CCNY: variants seen among roughly 807,000 people sequenced by gnomAD.
CCNY encodes cyclin Y, also known as cyclin-Y.
CCNY carries 19 observed loss-of-function variants against 42.8 expected under a neutral mutation model. The observed-to-expected ratio is 0.44, with a 90% confidence interval of 0.31 to 0.65. The LOEUF (loss-of-function observed/expected upper bound fraction) is 0.65. Ranked by LOEUF, CCNY falls within the 30% of genes least tolerant of loss-of-function variation. CCNY has a pLI of 0.07. For missense variants in CCNY, 370 were observed against 437.3 expected (o/e 0.85, Z 1.37); for synonymous variants, 165 against 162.7 (o/e 1.01, Z -0.11).
At chr10:35,531,390 A>G (rs975036562) in intron 7 of CCNY, among the ~76,000 whole-genome samples, 1 of 152,202 alleles carries the variant, frequency 6.6e-6, no homozygotes, top group Non-Finnish European at 1.5e-5. Context: ...TTGCTCATTC[A>G]TTCATCTGTT....
At chr10:35,389,951 C>A (rs534369443) in intron 1 of CCNY, among the ~76,000 whole-genome samples, 18 of 152,312 alleles carry the variant, frequency 1.2e-4, no homozygotes, top group African/African-American at 4.1e-4. Flanking sequence ...TCCTATCTAT[C>A]TGAAGACTGC....
rs1840746912 is a variant in CCNY, at chr10:35,530,707, A to G, written c.579+464A>G. 6.6e-6 allele frequency among the ~76,000 whole-genome samples: 1 copy of G among 152,210 alleles called. No homozygotes were observed. The highest frequency in any genetic ancestry group is 6.5e-5 in the Admixed American group (1 of 15,280). On this transcript the variant is annotated intron_variant, in intron 7 of 9. Coordinates refer to ENST00000374704, the MANE Select transcript of CCNY (RefSeq NM_145012.6). The surrounding 1 kb of genome is among the most constrained non-coding windows in gnomAD (Gnocchi z 4.3). The stretch of plus-strand genomic sequence containing the variant: ...AGCTTCTGTTTTGTGACTTTTGAGT[A>G]AATGTGTCTGCAGGATATTCAGAGA...
intron 3 of CCNY, among the ~76,000 whole-genome samples, chr10:35,279,133 T>TTTTA (rs1835271774): frequency 7.1e-6 from 1 of 141,410 alleles, no homozygotes; most frequent in Non-Finnish European, 1.5e-5. Context: ...TTTTTTTTTT[T>TTTTA]GAGACAGGGT....
At chr10:35,454,416 C>G (rs1196017873) in intron 1 of CCNY, among the ~76,000 whole-genome samples, 1 of 152,242 alleles carries the variant, frequency 6.6e-6, no homozygotes, top group Non-Finnish European at 1.5e-5. Flanking sequence ...TGTGAACCCC[C>G]CACCAGGAAC....
At chr10:35,291,749 C>T (rs1057196083) in intron 3 of CCNY, among the ~76,000 whole-genome samples, 1 of 151,984 alleles carries the variant, frequency 6.6e-6, no homozygotes, top group African/African-American at 2.4e-5. Flanking sequence ...GTTGGCCAGG[C>T]TGGTCTTGAA....
intron 1 of CCNY, among the ~76,000 whole-genome samples, chr10:35,411,058 A>C (rs541620213): frequency 5.3e-5 from 8 of 152,218 alleles, no homozygotes; most frequent in Non-Finnish European, 1.2e-4. Flanking sequence ...AGTTGTCTTT[A>C]GTATTTTGTC....
intron 3 of CCNY, among the ~76,000 whole-genome samples, chr10:35,514,824 T>C (rs938485946): frequency 6.6e-6 from 1 of 152,232 alleles, no homozygotes; most frequent in Middle Eastern, 3.2e-3. Flanking sequence ...AATTAATTAC[T>C]GACTTTTAAT....
intron 2 of CCNY, among the ~76,000 whole-genome samples, chr10:35,486,122 A>G (rs1839783601): frequency 6.6e-6 from 1 of 152,186 alleles, no homozygotes; most frequent in South Asian, 2.1e-4. Flanking sequence ...ATTCCAGTTA[A>G]CTTTCTGCAT....
intron 1 of CCNY, among the ~76,000 whole-genome samples, chr10:35,396,797 G>A (rs548445397): frequency 2.0e-5 from 3 of 152,294 alleles, no homozygotes; most frequent in South Asian, 2.1e-4. Context: ...AGTCCTCTTC[G>A]TGCTCTCCCC....
intron 3 of CCNY, among the ~76,000 whole-genome samples, chr10:35,281,738 G>A (rs1835300766): frequency 6.6e-6 from 1 of 152,026 alleles, no homozygotes; most frequent in African/African-American, 2.4e-5. Flanking sequence ...CCATACCGTG[G>A]AATAGTATTC....
chr10:35,446,806 T>C (rs1838799055), intron 1 of CCNY, among the ~76,000 whole-genome samples: 1 of 152,230 alleles, frequency 6.6e-6, no homozygotes, highest in Admixed American at 6.5e-5. Context: ...GGGCTGTTCG[T>C]TGTTCTCCAG....
intron 3 of CCNY, among the ~76,000 whole-genome samples, chr10:35,253,783 A>C (rs1233742709): frequency 1.3e-5 from 2 of 152,200 alleles, no homozygotes; most frequent in African/African-American, 2.4e-5. Flanking sequence ...TTGAGTCATT[A>C]GAAGCCAAGG....
chr10:35,540,570 T>G (rs1840979262), intron 7 of CCNY, among the ~76,000 whole-genome samples: 1 of 152,176 alleles, frequency 6.6e-6, no homozygotes, highest in Non-Finnish European at 1.5e-5. Flanking sequence ...TCTACTTTTT[T>G]TTTTTTGAAG....
intron 3 of CCNY, among the ~76,000 whole-genome samples, chr10:35,310,063 G>C (rs1234181965): frequency 1.3e-5 from 2 of 152,134 alleles, no homozygotes; most frequent in African/African-American, 4.8e-5. Flanking sequence ...GCCTCCCAAA[G>C]TGCTGGGATT....
chr10:35,514,693 A>G (rs954150022), intron 3 of CCNY, among the ~76,000 whole-genome samples: 2 of 152,232 alleles, frequency 1.3e-5, no homozygotes, highest in Non-Finnish European at 2.9e-5. Context: ...AGTTTGCATC[A>G]GAGGAAACAA....
chr10:35,540,686 A>G (rs562072147), intron 7 of CCNY, among the ~76,000 whole-genome samples: 1 of 152,160 alleles, frequency 6.6e-6, no homozygotes, highest in African/African-American at 2.4e-5. Context: ...ATTACTAATC[A>G]GTCTCTTCGC....
intron 1 of CCNY, among the ~76,000 whole-genome samples, chr10:35,453,570 G>T (rs1172850497): frequency 6.6e-6 from 1 of 152,208 alleles, no homozygotes; most frequent in Non-Finnish European, 1.5e-5. Flanking sequence ...GTATGACAAG[G>T]TATTAATACA....
intron 8 of CCNY, among the ~76,000 whole-genome samples, chr10:35,555,642 A>C (rs1466004951): frequency 1.3e-5 from 2 of 152,202 alleles, no homozygotes; most frequent in East Asian, 3.9e-4. Context: ...AGGTGACTTG[A>C]CTAGTAAGTC....
chr10:35,270,456 G>C (rs1275235337), intron 3 of CCNY, among the ~76,000 whole-genome samples: 1 of 152,186 alleles, frequency 6.6e-6, no homozygotes, highest in Non-Finnish European at 1.5e-5. Context: ...CATCAGACTT[G>C]TCACTTTCTT....
Sources: gnomAD v4.1 joint callset for allele counts (sites outside exome capture counted in the v4.1 genomes callset) on GRCh38, gnomAD v4.1.1 for gene constraint, Gnocchi (gnomAD v3.1) non-coding constraint, MANE v1.5 for transcripts, NCBI Gene and HGNC (gene_info 2026-07-23, HGNC 2026-07-21) for gene names.